The following GDAP2 variants were observed in gnomAD, a reference collection of about 807,000 sequenced individuals.
GDAP2 encodes the protein ganglioside-induced differentiation-associated protein 2.
Under a neutral mutation model 67.0 loss-of-function variants are expected in GDAP2, and 51 were observed. The observed-to-expected ratio is 0.76, with a 90% CI of 0.61 to 0.96. The LOEUF is 0.96. Among genes scored for constraint, GDAP2 ranks in the 40% least tolerant of loss-of-function variants. The probability of loss-of-function intolerance (pLI) is 0.00; values close to 1 mark genes in which losing one functional copy is unlikely to be tolerated. For missense variants in GDAP2, 547 were observed against 588.3 expected (o/e 0.93, Z 0.73); for synonymous variants, 203 against 207.3 (o/e 0.98, Z 0.18).
At chr1:117,876,745 C>T (rs550833630) in intron 13 of GDAP2, among the ~76,000 whole-genome samples, 21 of 152,214 alleles carry the variant, frequency 1.4e-4, no homozygotes, top group African/African-American at 4.6e-4. Flanking sequence ...TTAATGAAAG[C>T]CTGCTTTATA....
At chr1:117,877,935 GT>G (rs1458208898) in intron 13 of GDAP2, 73 bp downstream of exon 13, 1 of 1,512,864 alleles carries the variant, frequency 6.6e-7, no homozygotes, top group Non-Finnish European at 8.9e-7. Context: ...ACAGGATGTT[GT>G]GCTCGTAAGT....
chr1:117,903,164 G>GT (rs1649540840), intron 6 of GDAP2, among the ~76,000 whole-genome samples: 1 of 151,832 alleles, frequency 6.6e-6, no homozygotes, highest in African/African-American at 2.4e-5. Flanking sequence ...GTGTTTGTTT[G>GT]GTTTTTTTTT....
chr1:117,885,325 C>T (rs961315514), intron 10 of GDAP2, among the ~76,000 whole-genome samples: 1 of 152,048 alleles, frequency 6.6e-6, no homozygotes, highest in African/African-American at 2.4e-5. Flanking sequence ...AACTATATCA[C>T]TATATATGAC....
chr1:117,898,389 C>A (rs1322502005), intron 7 of GDAP2, among the ~76,000 whole-genome samples: 1 of 152,150 alleles, frequency 6.6e-6, no homozygotes. Context: ...GTGATAAAAT[C>A]TTGAGTTGCT....
intron 6 of GDAP2, among the ~76,000 whole-genome samples, chr1:117,902,578 T>C (rs1649517648): frequency 1.3e-5 from 2 of 152,192 alleles, no homozygotes; most frequent in Non-Finnish European, 2.9e-5. Flanking sequence ...CCTCATTAAA[T>C]TGTCTTGAAA....
In GDAP2 at chr1:117,886,414, C is replaced by A. The variant is rs1006732179; in HGVS notation, c.1107+163G>T. ...GACAGAGAAAAATCAAACCCCTAAT[C>A]GAACTGAAATGATACAGGTCCACTC... On this transcript the variant is annotated intron_variant, in intron 10 of 13. Coordinates refer to ENST00000369443, the MANE Select transcript of GDAP2 (RefSeq NM_017686.4). Among the ~76,000 whole-genome samples, 3 of 152,130 alleles carry A rather than the reference C, an allele frequency of 2.0e-5. 1 individual carries two copies. The highest frequency in any genetic ancestry group is 4.4e-5 in the Non-Finnish European group (3 of 68,010).
chr1:117,912,826 T>G, intron 3 of GDAP2, 143 bp from the exon 4 acceptor site: 1 of 669,482 alleles, frequency 1.5e-6, no homozygotes, highest in Non-Finnish European at 2.6e-6. Context: ...CATTTATCTC[T>G]GTTACTTCTG....
rs528260036 is a variant in GDAP2, at chr1:117,866,366, A to C, written c.*4203T>G. The C allele has an allele frequency of 5.3e-5, 8 of 152,340 alleles. No homozygotes were observed. The highest frequency in any genetic ancestry group is 1.4e-4 in the African/African-American group (6 of 41,580). 9.4% of individuals were successfully genotyped at this position (152,340 alleles called of 1,614,324 possible). On this transcript the variant is annotated 3_prime_UTR_variant, in exon 14 of 14. Transcript: ENST00000369443. ...GTTTCTCAGCCTCCAACTGTGAGAA[A>C]TAAATGTGTTTTGTTACGCCACCCA...
rs1330143641 is a variant in GDAP2, at chr1:117,864,695, A to T, written c.*5874T>A. On this transcript the variant is annotated 3_prime_UTR_variant, in exon 14 of 14. Coordinates refer to ENST00000369443, the MANE Select transcript of GDAP2 (RefSeq NM_017686.4). ...TTTATATATATTTAGATAACATTAT[A>T]ATAAATATAAATTAAGCAAAAACTG... 1 of 152,160 alleles carries T rather than the reference A, an allele frequency of 6.6e-6. No homozygotes were observed. The highest frequency in any genetic ancestry group is 1.5e-5 in the Non-Finnish European group (1 of 68,022). 9.4% of individuals were successfully genotyped at this position (152,160 alleles called of 1,614,324 possible).
chr1:117,915,013 G>A (rs779126890), intron 3 of GDAP2, among the ~76,000 whole-genome samples: 1 of 152,128 alleles, frequency 6.6e-6, no homozygotes, highest in Non-Finnish European at 1.5e-5. Flanking sequence ...ACAGAGAACA[G>A]TCTAGAGAGG....
At chr1:117,913,991 T>C (rs890771314) in intron 3 of GDAP2, among the ~76,000 whole-genome samples, 3 of 152,148 alleles carry the variant, frequency 2.0e-5, no homozygotes, top group Admixed American at 6.5e-5. Flanking sequence ...TTAGCAGAAC[T>C]TGACTATGCT....
chr1:117,924,151 T>C (rs1650359248), intron 1 of GDAP2, among the ~76,000 whole-genome samples: 1 of 152,224 alleles, frequency 6.6e-6, no homozygotes, highest in Non-Finnish European at 1.5e-5. Context: ...AACTTTTAGG[T>C]TCAGAGGTAC....
At chr1:117,901,223 C>T (rs546102407) in intron 6 of GDAP2, among the ~76,000 whole-genome samples, 25 of 152,174 alleles carry the variant, frequency 1.6e-4, no homozygotes, top group African/African-American at 5.1e-4. Flanking sequence ...CACACATGCA[C>T]GCACACATAC....
intron 13 of GDAP2, among the ~76,000 whole-genome samples, chr1:117,872,757 C>T (rs1467294913): frequency 2.6e-5 from 4 of 151,854 alleles, no homozygotes; most frequent in African/African-American, 7.3e-5. Context: ...GGTGATGGGT[C>T]GATAGGTACA....
intron 11 of GDAP2, among the ~76,000 whole-genome samples, chr1:117,882,255 T>C (rs898470641): frequency 1.3e-5 from 2 of 152,132 alleles, no homozygotes; most frequent in Admixed American, 1.3e-4. Context: ...AACTAAAAGT[T>C]TCAATGGTCA....
At chr1:117,889,642 CTATT>C (rs1648997227) in intron 8 of GDAP2, among the ~76,000 whole-genome samples, 1 of 151,912 alleles carries the variant, frequency 6.6e-6, no homozygotes, top group African/African-American at 2.4e-5. Flanking sequence ...AAAGACAAAA[CTATT>C]AATAATAGCA....
At chr1:117,881,924 C>T in intron 11 of GDAP2, 47 bp from the exon 12 acceptor site, 1 of 1,004,778 alleles carries the variant, frequency 1.0e-6, no homozygotes, top group Non-Finnish European at 1.6e-6. Context: ...AAGTTCATGC[C>T]TAAAACCAAT....
chr1:117,917,021 A>C (rs1184078660), intron 3 of GDAP2, among the ~76,000 whole-genome samples: 1 of 151,622 alleles, frequency 6.6e-6, no homozygotes, highest in Non-Finnish European at 1.5e-5. Context: ...GTGACAGAGC[A>C]AGACTCTGTC....
rs181903476 is a variant in GDAP2, at chr1:117,920,743, A to C, written c.-67-319T>G. 2.0e-5 allele frequency among the ~76,000 whole-genome samples: 3 copies of C among 152,306 alleles called. 1 individual carries two copies. The highest frequency in any genetic ancestry group is 1.3e-4 in the Admixed American group (2 of 15,306). ...TCACTGAGTGCCTACTATTGAAAAA[A>C]AAAAAAAAAGTAATAGATGCTGCAA... On this transcript the variant is annotated intron_variant, in intron 1 of 13. Transcript: ENST00000369443.
Sources: gnomAD v4.1 joint callset for allele counts (sites outside exome capture counted in the v4.1 genomes callset) on GRCh38, gnomAD v4.1.1 for gene constraint, MANE v1.5 for transcripts, NCBI Gene and HGNC (gene_info 2026-07-23, HGNC 2026-07-21) for gene names.